Variants in METTL25 observed in about 807,000 individuals in gnomAD.
METTL25 encodes the protein methyltransferase like 25.
A neutral mutation model predicts 71.6 loss-of-function variants in METTL25; 64 were observed. The observed-to-expected ratio is 0.89, with a 90% CI of 0.73 to 1.10. METTL25 has a LOEUF of 1.10. Ranked by LOEUF, METTL25 falls within the 50% of genes least tolerant of loss-of-function variation. METTL25 has a pLI of 0.00. For synonymous variants in METTL25, 287 were observed against 250.3 expected (o/e 1.15, Z -1.38); for missense variants, 807 against 707.0 (o/e 1.14, Z -1.60).
At chr12:82,401,157 C>G (rs913783219) in intron 4 of METTL25, among the ~76,000 whole-genome samples, 1 of 151,892 alleles carries the variant, frequency 6.6e-6, no homozygotes, top group Non-Finnish European at 1.5e-5. Flanking sequence ...GTCAAAACCA[C>G]TTACAGGCGT....
intron 1 of METTL25, among the ~76,000 whole-genome samples, chr12:82,369,876 A>G (rs1883020969): frequency 6.6e-6 from 1 of 152,144 alleles, no homozygotes; most frequent in Admixed American, 6.5e-5. Flanking sequence ...ACAATCCTTT[A>G]GCTAGATACA....
intron 9 of METTL25, among the ~76,000 whole-genome samples, chr12:82,463,729 C>G (rs567833411): frequency 6.6e-6 from 1 of 152,154 alleles, no homozygotes; most frequent in African/African-American, 2.4e-5. Context: ...TTTTTCTCTG[C>G]ATCCTTGCCA....
At chr12:82,446,203 A>T (rs1196394995) in intron 8 of METTL25, among the ~76,000 whole-genome samples, 2 of 152,206 alleles carry the variant, frequency 1.3e-5, no homozygotes, top group South Asian at 2.1e-4. Flanking sequence ...AAAGGGAGAG[A>T]TAGATTGCAA....
chr12:82,414,282 G>T (rs186522237), intron 5 of METTL25, among the ~76,000 whole-genome samples: 5 of 152,278 alleles, frequency 3.3e-5, no homozygotes, highest in East Asian at 1.9e-4. Context: ...GAGATTTCTA[G>T]ATGTACTTGG....
chr12:82,415,488 G>A (rs1358328587), intron 5 of METTL25, among the ~76,000 whole-genome samples: 1 of 152,040 alleles, frequency 6.6e-6, no homozygotes, highest in Non-Finnish European at 1.5e-5. Context: ...CTAAGAATGG[G>A]CTGACACAAT....
chr12:82,473,393 G>C (rs1199891052), intron 9 of METTL25, among the ~76,000 whole-genome samples: 2 of 152,160 alleles, frequency 1.3e-5, no homozygotes, highest in Non-Finnish European at 2.9e-5. Flanking sequence ...ATGTCGGCCA[G>C]GCCTCTCCAG....
At chr12:82,393,874 G>T (rs1448327802) in intron 3 of METTL25, among the ~76,000 whole-genome samples, 1 of 151,752 alleles carries the variant, frequency 6.6e-6, no homozygotes, top group Admixed American at 6.6e-5. Context: ...TTTGTTACAT[G>T]CATTTATTGC....
At chr12:82,407,276 A>G (rs1887176822) in intron 5 of METTL25, among the ~76,000 whole-genome samples, 1 of 152,140 alleles carries the variant, frequency 6.6e-6, no homozygotes, top group South Asian at 2.1e-4. Context: ...ATTCTCAAGC[A>G]TTAGTCTTGT....
At chr12:82,361,384 G>C in intron 1 of METTL25, among the ~76,000 whole-genome samples, 1 of 152,234 alleles carries the variant, frequency 6.6e-6, no homozygotes, top group East Asian at 1.9e-4. Flanking sequence ...GCTGCAGGTG[G>C]AGCTGCCCAC....
chr12:82,400,175 A>AT (rs1886474596), intron 4 of METTL25, among the ~76,000 whole-genome samples: 1 of 151,604 alleles, frequency 6.6e-6, no homozygotes, highest in Admixed American at 6.6e-5. Flanking sequence ...TACAAAAAAA[A>AT]ATATATATTA....
chr12:82,400,225 G>A (rs564651997), intron 4 of METTL25, among the ~76,000 whole-genome samples: 2 of 151,854 alleles, frequency 1.3e-5, no homozygotes, highest in African/African-American at 2.4e-5. Context: ...CCAGCTACTC[G>A]GGAGGCTGAG....
intron 1 of METTL25, among the ~76,000 whole-genome samples, chr12:82,382,427 A>G (rs1196161180): frequency 6.6e-6 from 1 of 152,212 alleles, no homozygotes; most frequent in African/African-American, 2.4e-5. Flanking sequence ...GATTATAAAC[A>G]TTCCCTGGGC....
intron 5 of METTL25, among the ~76,000 whole-genome samples, chr12:82,426,902 A>G (rs1432257692): frequency 6.6e-6 from 1 of 151,928 alleles, no homozygotes; most frequent in Non-Finnish European, 1.5e-5. Context: ...CAACACTTAC[A>G]GCTTCACCAC....
At chr12:82,403,218 G>A (rs879798001) in intron 5 of METTL25, 88 bp downstream of exon 5, 65 of 1,285,248 alleles carry the variant, frequency 5.1e-5, no homozygotes, top group Middle Eastern at 2.1e-4. Flanking sequence ...CCGTTTTTTC[G>A]TCATTACCAT....
intron 5 of METTL25, among the ~76,000 whole-genome samples, chr12:82,406,212 A>G (rs1887076614): frequency 6.6e-6 from 1 of 152,190 alleles, no homozygotes; most frequent in Non-Finnish European, 1.5e-5. Context: ...TAATTTCTTT[A>G]AAAAGCCCTC....
rs777188311 is a variant in METTL25 at position 82,477,295 on chromosome 12, G to A, written c.1662G>A (p.Leu554=). The A allele has an allele frequency of 1.4e-5, 22 of 1,551,644 alleles. 1 individual carries two copies. Among genetic ancestry groups the A allele is most frequent in the Non-Finnish European group, 1.9e-5 (22 of 1,148,098 alleles). The part of the protein sequence containing the change: ...LEAFNMLKVV[L]APCIETLILL... ...TTTTATTTTAGTTGAAAGTTGTACT[G>A]GCTCCCTGTATAGAGACTTTGATTC... The change falls in exon 11 of 12, where the codon CTG becomes CTA. Residue 554 remains leucine, a synonymous_variant. Coordinates refer to ENST00000248306, the MANE Select transcript of METTL25 (RefSeq NM_032230.3).
chr12:82,361,256 G>A (rs1008148278), intron 1 of METTL25, among the ~76,000 whole-genome samples: 4 of 152,126 alleles, frequency 2.6e-5, no homozygotes, highest in Non-Finnish European at 4.4e-5. Context: ...CAAACCTTGA[G>A]CTAGACACAG....
At chr12:82,409,515 A>G (rs1414668796) in intron 5 of METTL25, among the ~76,000 whole-genome samples, 7 of 152,068 alleles carry the variant, frequency 4.6e-5, no homozygotes, top group African/African-American at 7.2e-5. Flanking sequence ...CTAGTTACCA[A>G]TTCAGATCCA....
Position 82,398,999 on chromosome 12 carries a change from A to T in METTL25, c.736A>T (p.Arg246Trp), listed in dbSNP as rs139201163. The T allele has an allele frequency of 6.2e-7, 1 of 1,609,088 alleles. No homozygotes were observed. The highest frequency in any genetic ancestry group is 8.5e-7 in the Non-Finnish European group (1 of 1,177,886). The change falls in exon 4 of 12, where the codon AGG becomes TGG. Residue 246 changes from arginine (R) to tryptophan (W), a missense_variant. Arg to Trp is a moderately radical substitution (Grantham distance 101). Coordinates refer to ENST00000248306, the MANE Select transcript of METTL25 (RefSeq NM_032230.3). ...ACTAGCATTAAAAATGGCAAAAGAA[A>T]GGAAAGTGCAAAATAAAGTTAAAAA... ...NGLALKMAKE[R>W]KVQNKVKNKA...
Sources: gnomAD v4.1 joint callset for allele counts (sites outside exome capture counted in the v4.1 genomes callset) on GRCh38, gnomAD v4.1.1 for gene constraint, MANE v1.5 for transcripts, NCBI Gene and HGNC (gene_info 2026-07-23, HGNC 2026-07-21) for gene names.